TP53BP1: variants seen among roughly 807,000 people sequenced by gnomAD.
TP53BP1 encodes the protein TP53-binding protein 1.
A neutral mutation model predicts 200.8 loss-of-function variants in TP53BP1; 61 were observed. The observed-to-expected ratio is 0.30, with a 90% confidence interval of 0.25 to 0.38. The LOEUF (loss-of-function observed/expected upper bound fraction) is 0.38, where lower values mean the gene tolerates loss of function less well. Ranked by LOEUF, TP53BP1 falls within the 10% of genes least tolerant of loss-of-function variation. The probability of loss-of-function intolerance (pLI) is 1.00; values close to 1 mark genes in which losing one functional copy is unlikely to be tolerated. For missense variants in TP53BP1, 2,144 were observed against 2,371.9 expected (o/e 0.90, Z 2.00); for synonymous variants, 822 against 844.3 (o/e 0.97, Z 0.46).
chr15:43,449,815 T>C (rs527442092), intron 12 of TP53BP1, among the ~76,000 whole-genome samples: 1 of 152,358 alleles, frequency 6.6e-6, no homozygotes, highest in South Asian at 2.1e-4. Context: ...AACTAACTAG[T>C]AGCAGCCTAT....
chr15:43,481,954 A>G (rs1001286849), intron 4 of TP53BP1, among the ~76,000 whole-genome samples: 2 of 152,114 alleles, frequency 1.3e-5, no homozygotes, highest in East Asian at 1.9e-4. Flanking sequence ...CCGACCAGGC[A>G]CGGTGGCTCA....
Position 43,447,404 on chromosome 15 carries a change from T to C in TP53BP1, c.2798A>G (p.His933Arg). The C allele has an allele frequency of 3.1e-6, 5 of 1,600,034 alleles. No homozygotes were observed. The highest frequency in any genetic ancestry group is 3.4e-6 in the Non-Finnish European group (4 of 1,176,672). ...GTGTCTCTTGGGCTCCAATTTTAGG[T>C]GCCCAATAAGAGGTGGGGTTGCACC... The part of the protein sequence containing the change: ...LTGATPPLIG[H>R]LKLEPKRHST... The change falls in exon 13 of 28, where the codon CAC becomes CGC. Residue 933 changes from histidine to arginine, a missense_variant. Physicochemically the swap from His to Arg is conservative, Grantham distance 29 (BLOSUM62 0). Around this residue, in one of 4 missense-constraint regions of TP53BP1, gnomAD observed 1,700 missense variants for 1,710.3 expected, o/e 0.99. Transcript: ENST00000382044.
intron 17 of TP53BP1, among the ~76,000 whole-genome samples, chr15:43,429,631 C>T (rs2045626592): frequency 6.6e-6 from 1 of 152,154 alleles, no homozygotes; most frequent in Non-Finnish European, 1.5e-5. Context: ...AACTTGGAAA[C>T]TGGCAGAGGT....
chr15:43,407,800 C>T (rs1026320118), intron 27 of TP53BP1, 143 bp downstream of exon 27: 12 of 893,530 alleles, frequency 1.3e-5, no homozygotes, highest in Non-Finnish European at 1.9e-5. Context: ...TGTTGACTCA[C>T]CTCTTGAAGG....
Position 43,422,048 on chromosome 15 carries a change from C to T in TP53BP1, c.3907G>A (p.Asp1303Asn). The change falls in exon 19 of 28, where the codon GAC (aspartate) becomes AAC (asparagine). Residue 1303 changes from aspartate to asparagine, a missense_variant. Around this residue, in one of 4 missense-constraint regions of TP53BP1, gnomAD observed 1,700 missense variants for 1,710.3 expected, o/e 0.99. Transcript: ENST00000382044. ...GAGAAGGAGCTGATATCCCCCAGGT[C>T]ACCTGAGGAGCCCCCAGTCTGTGAA... ...SPSQTGGSSG[D>N]LGDISSFSSK... The T allele has an allele frequency of 6.2e-7, 1 of 1,614,170 alleles. No individual in the cohort carries two copies. Among genetic ancestry groups the T allele is most frequent in the Non-Finnish European group, 8.5e-7 (1 of 1,180,010 alleles).
At chr15:43,482,581 A>G (rs536837092) in intron 4 of TP53BP1, among the ~76,000 whole-genome samples, 1 of 152,264 alleles carries the variant, frequency 6.6e-6, no homozygotes, top group South Asian at 2.1e-4. Context: ...ATCCCGGCGA[A>G]CAAGGTGAAA....
intron 14 of TP53BP1, among the ~76,000 whole-genome samples, chr15:43,442,762 T>C (rs547253334): frequency 6.7e-6 from 1 of 150,024 alleles, no homozygotes; most frequent in East Asian, 2.0e-4. Context: ...GTTCCCAAAG[T>C]GTGCTGGGAT....
chr15:43,461,346 A>G (rs574273950), intron 11 of TP53BP1, among the ~76,000 whole-genome samples: 12 of 151,980 alleles, frequency 7.9e-5, no homozygotes, highest in Middle Eastern at 3.4e-3. Flanking sequence ...CAGCCTCCCG[A>G]GTAGCTGGGA....
chr15:43,426,075 A>C (rs2045523852), intron 18 of TP53BP1, among the ~76,000 whole-genome samples: 1 of 151,918 alleles, frequency 6.6e-6, no homozygotes, highest in Non-Finnish European at 1.5e-5. Context: ...AAAAAAAAAA[A>C]AACAAAAAAT....
At chr15:43,493,000 A>G (rs2079150282) in intron 1 of TP53BP1, 37 bp downstream of exon 1, 1 of 1,607,746 alleles carries the variant, frequency 6.2e-7, no homozygotes, top group Non-Finnish European at 8.5e-7. Flanking sequence ...CCAGGCCTTC[A>G]GAGCCCACTG....
rs2044868977 is a variant in TP53BP1, at chr15:43,406,179, G to A, written c.*1204C>T. 1 of 154,838 alleles carries A rather than the reference G, an allele frequency of 6.5e-6. No homozygotes were observed. The highest frequency in any genetic ancestry group is 2.4e-5 in the African/African-American group (1 of 41,418). The allele number at this position is 154,838 out of a possible 1,614,324, so 9.6% of individuals were successfully genotyped here. A position where few individuals can be genotyped will look rare whatever the true frequency, so the allele number is the denominator to read the frequency against. On this transcript the variant is annotated 3_prime_UTR_variant, in exon 28 of 28. Coordinates refer to ENST00000382044, the MANE Select transcript of TP53BP1 (RefSeq NM_001141980.3). ...CCATCTTACACAAACCATAGGGGTT[G>A]AAGTTATCTTAATATGGCCCAGCCA...
Position 43,421,992 on chromosome 15 carries a change from T to C in TP53BP1, c.3963A>G (p.Ser1321=), listed in dbSNP as rs1334019830. The C allele has an allele frequency of 6.2e-7, 1 of 1,614,184 alleles. No homozygotes were observed. Among genetic ancestry groups the C allele is most frequent in the East Asian group, 2.2e-5 (1 of 44,890 alleles). ...SSKASSLHRT[S]SGTSLSAMHS... is the part of the protein sequence containing the mutation. ...GCATAGCTGAGAGACTTGTCCCACT[T>C]GATGTGCGGTGTAAGCTGGATGCCT... Residue 1321 remains serine (S), a synonymous_variant, in exon 19 of 28, where the codon TCA becomes TCG. Coordinates refer to ENST00000382044, the MANE Select transcript of TP53BP1 (RefSeq NM_001141980.3).
At chr15:43,443,463 A>G (rs983142952) in intron 14 of TP53BP1, among the ~76,000 whole-genome samples, 41 of 152,186 alleles carry the variant, frequency 2.7e-4, no homozygotes, top group African/African-American at 9.7e-4. Flanking sequence ...AGGCCAAGGC[A>G]GGAGGATCGC....
intron 11 of TP53BP1, among the ~76,000 whole-genome samples, chr15:43,461,024 G>C (rs1272526544): frequency 6.7e-6 from 1 of 148,612 alleles, no homozygotes; most frequent in African/African-American, 2.5e-5. Context: ...AAAAAAAAAA[G>C]GTTCAACATT....
rs199618414 is a variant in TP53BP1 at position 43,491,661 on chromosome 15, C to G, written c.371+8G>C. Reference sequence around the variant, plus strand: ...ACATTTAAATAAACCCCTTCAAACACTGTATACCTGCTTGTCCTGTTTGGC... The same window carrying G: ...ACATTTAAATAAACCCCTTCAAACAGTGTATACCTGCTTGTCCTGTTTGGC... On this transcript the variant is annotated splice_region_variant and intron_variant, in intron 4 of 27. Coordinates refer to ENST00000382044, the MANE Select transcript of TP53BP1 (RefSeq NM_001141980.3). 26 of 1,605,294 alleles carry G rather than the reference C, an allele frequency of 1.6e-5. No homozygotes were observed. In the Admixed American group the frequency reaches 2.8e-4, roughly 17 times the overall value.
At position 43,446,520 on chromosome 15, in the gene TP53BP1, A is replaced by G; in HGVS notation, c.2907T>C (p.His969=). 1 of 1,614,146 alleles carries G rather than the reference A, an allele frequency of 6.2e-7. No homozygotes were observed. Among genetic ancestry groups the G allele is most frequent in the Non-Finnish European group, 8.5e-7 (1 of 1,180,002 alleles). ...DVMSESMVET[H]DPILGSGKGD... Reference sequence around the variant, plus strand: ...CTTTTCCACTCCCAAGTATGGGATCATGGGTCTCCACCATGCTTTCAGACA... The same window carrying G: ...CTTTTCCACTCCCAAGTATGGGATCGTGGGTCTCCACCATGCTTTCAGACA... Residue 969 remains histidine (H), a synonymous_variant, in exon 14 of 28, where the codon CAT becomes CAC. Transcript: ENST00000382044.
chr15:43,503,990 A>G (rs774771355), intron 1 of TP53BP1, among the ~76,000 whole-genome samples: 3 of 152,204 alleles, frequency 2.0e-5, no homozygotes, highest in Non-Finnish European at 2.9e-5. Flanking sequence ...AGACAATTTA[A>G]TGCATACGGG....
At chr15:43,408,391 G>A in intron 26 of TP53BP1, 1 of 302,892 alleles carries the variant, frequency 3.3e-6, no homozygotes, top group South Asian at 3.9e-5. Context: ...TGAGGTAGGG[G>A]GATCACTTCA....
intron 1 of TP53BP1, among the ~76,000 whole-genome samples, chr15:43,500,834 A>G (rs973175636): frequency 2.6e-5 from 4 of 151,824 alleles, no homozygotes; most frequent in African/African-American, 9.7e-5. Context: ...GAAATAAAAT[A>G]AAATAAAGAG....
Sources: gnomAD v4.1 joint callset for allele counts (sites outside exome capture counted in the v4.1 genomes callset) on GRCh38, gnomAD v4.1.1 for gene constraint, gnomAD v4.1.1 regional missense constraint, MANE v1.5 for transcripts, NCBI Gene and HGNC (gene_info 2026-07-23, HGNC 2026-07-21) for gene names.